Variants in VWA8 observed in about 807,000 individuals in gnomAD.
The protein encoded by VWA8 is von Willebrand factor A domain-containing protein 8.
VWA8 carries 221 observed loss-of-function variants against 241.5 expected under a neutral mutation model. That is an observed-to-expected ratio of 0.91 (90% CI 0.82 to 1.02). The LOEUF is 1.02. VWA8 is among the 50% of genes least tolerant of loss of function. The pLI, the probability that VWA8 is intolerant of heterozygous loss-of-function variation, is 0.00. For missense variants in VWA8, 2,322 were observed against 2,328.7 expected (o/e 1.00, Z 0.06); for synonymous variants, 852 against 827.1 (o/e 1.03, Z -0.52).
chr13:41,811,437 G>A (rs1315374600), intron 16 of VWA8, 97 bp from the exon 17 acceptor site: 5 of 863,370 alleles, frequency 5.8e-6, no homozygotes, highest in Admixed American at 2.5e-5. Flanking sequence ...TTACTGAAGG[G>A]GTAAGGCCAA....
intron 12 of VWA8, among the ~76,000 whole-genome samples, chr13:41,837,046 T>C (rs957198150): frequency 3.7e-5 from 5 of 136,246 alleles, no homozygotes; most frequent in Admixed American, 2.2e-4. Flanking sequence ...GATAGATAGA[T>C]AGATAGATAG....
chr13:41,758,001 ATGTAT>A (rs2137901377), intron 21 of VWA8, among the ~76,000 whole-genome samples: 1 of 151,786 alleles, frequency 6.6e-6, no homozygotes, highest in East Asian at 1.9e-4. Flanking sequence ...AGGATTAAAA[ATGTAT>A]TGTAAACAAC....
At chr13:41,684,786 A>T (rs1382007813) in intron 35 of VWA8, among the ~76,000 whole-genome samples, 2 of 152,188 alleles carry the variant, frequency 1.3e-5, no homozygotes, top group Non-Finnish European at 2.9e-5. Flanking sequence ...AGGCTCTGTG[A>T]AAACATCTTT....
chr13:41,884,172 G>C (rs1874398052), intron 8 of VWA8, among the ~76,000 whole-genome samples: 1 of 152,172 alleles, frequency 6.6e-6, no homozygotes, highest in South Asian at 2.1e-4. Context: ...TGGTTTGGCT[G>C]TGTCCCCACC....
chr13:41,878,423 CTT>C (rs200400485), intron 9 of VWA8, among the ~76,000 whole-genome samples: 6 of 145,554 alleles, frequency 4.1e-5, no homozygotes, highest in African/African-American at 5.0e-5. Flanking sequence ...CTCTTCCACT[CTT>C]TTTTTTTTTT....
In VWA8 at chr13:41,811,108, T is replaced by G. The variant is rs947053917; in HGVS notation, c.2063+117A>C. On this transcript the variant is annotated intron_variant, in intron 17 of 44. Coordinates refer to ENST00000379310, the MANE Select transcript of VWA8 (RefSeq NM_015058.2). The stretch of plus-strand genomic sequence containing the variant: ...TCAGTGAAGGCAAGGCTGAAATAGC[T>G]CTACATTCAGACCAATATATTTTGA... The G allele has an allele frequency of 9.9e-6, 8 of 804,998 alleles. No individual in the cohort carries two copies. In the African/African-American group the frequency reaches 1.4e-4, roughly 14 times the overall value. 49.9% of individuals were successfully genotyped at this position (804,998 alleles called of 1,614,324 possible).
intron 43 of VWA8, among the ~76,000 whole-genome samples, chr13:41,573,659 A>G (rs2044330566): frequency 6.9e-6 from 1 of 145,658 alleles, no homozygotes; most frequent in Non-Finnish European, 1.5e-5. Flanking sequence ...TCTGTCGCCC[A>G]GGCTGGAGAC....
intron 37 of VWA8, among the ~76,000 whole-genome samples, chr13:41,631,347 G>C (rs2044725579): frequency 6.6e-6 from 1 of 152,026 alleles, no homozygotes; most frequent in South Asian, 2.1e-4. Flanking sequence ...ACAGGGGCAG[G>C]AAACCCTGTT....
chr13:41,838,963 G>A (rs1032184838), intron 12 of VWA8, among the ~76,000 whole-genome samples: 10 of 152,102 alleles, frequency 6.6e-5, no homozygotes, highest in African/African-American at 1.4e-4. Context: ...ATATATGTGC[G>A]CATGTGTCTT....
Position 41,689,394 on chromosome 13 carries a change from T to C in VWA8, c.4091A>G (p.Lys1364Arg). Residue 1364 changes from lysine (K) to arginine (R), a missense_variant, in exon 34 of 45, where the codon AAA becomes AGA. Physicochemically the swap from Lys to Arg is conservative, Grantham distance 26 (BLOSUM62 2). Coordinates refer to ENST00000379310, the MANE Select transcript of VWA8 (RefSeq NM_015058.2). The part of the protein sequence containing the change: ...ASPNRILSDE[K>R]NYATIVVGFP... ...ACCAACAACTATTGTAGCATAATTT[T>C]TCTCATCTGAGAGAATTCTGTTGGG... 1 of 1,611,966 alleles carries C rather than the reference T, an allele frequency of 6.2e-7. No homozygotes were observed.
At chr13:41,579,408 A>T (rs1269731206) in intron 42 of VWA8, among the ~76,000 whole-genome samples, 1 of 152,220 alleles carries the variant, frequency 6.6e-6, no homozygotes, top group Admixed American at 6.5e-5. Context: ...CAGATCATGT[A>T]AGTCAACGTG....
chr13:41,690,206 CA>C lies in VWA8; in HGVS notation c.3935del (p.Leu1312ArgfsTer34), dbSNP rs2045166456. ...ACCCTGTGCTGGGCGGCTCCTCTTT[CA>C]GCACATACAACTGGCAAACCCCACT... ...EGSGVCQLYV[L>X]KEEPPSTGFG... On this transcript the variant is annotated frameshift_variant, in exon 33 of 45. Coordinates refer to ENST00000379310, the MANE Select transcript of VWA8 (RefSeq NM_015058.2). LOFTEE classifies it high-confidence loss of function. The C allele has an allele frequency of 6.2e-7, 1 of 1,612,628 alleles. No homozygotes were observed. The highest frequency in any genetic ancestry group is 8.5e-7 in the Non-Finnish European group (1 of 1,179,082).
chr13:41,755,242 T>A (rs564282785), intron 21 of VWA8, among the ~76,000 whole-genome samples: 1 of 152,130 alleles, frequency 6.6e-6, no homozygotes, highest in South Asian at 2.1e-4. Context: ...CATACAAGGG[T>A]TCCCTTTTCT....
chr13:41,587,494 C>G lies in VWA8; in HGVS notation c.5271+18G>C. On this transcript the variant is annotated intron_variant, in intron 42 of 44. Transcript: ENST00000379310. ...ATGGTCAATGATGCCTCTCATTATTCTTAGTTCATGTCATTACCTGGAACT... is the reference window on the plus strand; with the variant it reads ...ATGGTCAATGATGCCTCTCATTATTGTTAGTTCATGTCATTACCTGGAACT... The G allele has an allele frequency of 6.2e-7, 1 of 1,613,928 alleles. No homozygotes were observed. Among genetic ancestry groups the G allele is most frequent in the Non-Finnish European group, 8.5e-7 (1 of 1,179,912 alleles).
At chr13:41,815,622 G>A (rs751722505) in intron 16 of VWA8, among the ~76,000 whole-genome samples, 6 of 152,210 alleles carry the variant, frequency 3.9e-5, no homozygotes, top group African/African-American at 7.2e-5. Flanking sequence ...TGGAGCCTCC[G>A]ATGGAGTGCA....
intron 10 of VWA8, among the ~76,000 whole-genome samples, chr13:41,867,371 A>C (rs1300274828): frequency 6.6e-6 from 1 of 152,152 alleles, no homozygotes; most frequent in African/African-American, 2.4e-5. Context: ...CCTCTATCCT[A>C]AACTATCAGC....
At chr13:41,841,878 T>A (rs1300773873) in intron 12 of VWA8, among the ~76,000 whole-genome samples, 3 of 120,096 alleles carry the variant, frequency 2.5e-5, no homozygotes, top group Admixed American at 1.8e-4. Flanking sequence ...AGACATTTAA[T>A]ATTTTTTCAA....
chr13:41,829,290 G>A (rs1871312408), intron 14 of VWA8, among the ~76,000 whole-genome samples: 2 of 152,020 alleles, frequency 1.3e-5, no homozygotes, highest in Non-Finnish European at 2.9e-5. Flanking sequence ...TACACTGCTG[G>A]TGGCAATGTA....
At chr13:41,784,737 C>CCCATATATAT (rs1869094852) in intron 18 of VWA8, among the ~76,000 whole-genome samples, 2 of 72,562 alleles carry the variant, frequency 2.8e-5, no homozygotes, top group Non-Finnish European at 5.7e-5. Context: ...TATACACACA[C>CCCATATATAT]ATATATATAT....
Sources: gnomAD v4.1 joint callset for allele counts (sites outside exome capture counted in the v4.1 genomes callset) on GRCh38, gnomAD v4.1.1 for gene constraint, MANE v1.5 for transcripts, NCBI Gene and HGNC (gene_info 2026-07-23, HGNC 2026-07-21) for gene names.